Variants in ARHGAP15 observed in about 807,000 individuals in gnomAD.
ARHGAP15 encodes the protein Rho GTPase activating protein 15, also known as rho GTPase-activating protein 15.
ARHGAP15 carries 51 observed loss-of-function variants against 63.7 expected under a neutral mutation model. The observed-to-expected ratio is 0.80, with a 90% CI of 0.64 to 1.01. The LOEUF is 1.01. ARHGAP15 is among the 50% of genes least tolerant of loss of function. The probability of loss-of-function intolerance (pLI) is 0.00; values close to 1 mark genes in which losing one functional copy is unlikely to be tolerated. For synonymous variants in ARHGAP15, 191 were observed against 193.8 expected, an observed-to-expected ratio of 0.99 and a Z score of 0.12; for missense variants, 560 against 564.6, an observed-to-expected ratio of 0.99 and a Z score of 0.08.
intron 11 of ARHGAP15, among the ~76,000 whole-genome samples, chr2:143,569,319 A>G (rs1696362933): frequency 6.6e-6 from 1 of 152,228 alleles, no homozygotes; most frequent in South Asian, 2.1e-4. Flanking sequence ...GTCAAGAGAT[A>G]CATAATAAAT....
intron 8 of ARHGAP15, among the ~76,000 whole-genome samples, chr2:143,476,767 A>G (rs941891969): frequency 2.6e-5 from 4 of 152,254 alleles, no homozygotes; most frequent in African/African-American, 9.6e-5. Flanking sequence ...ATAGCAATTT[A>G]CAGTACAAGA....
chr2:143,541,718 G>C (rs1456488464), intron 10 of ARHGAP15, among the ~76,000 whole-genome samples: 2 of 152,208 alleles, frequency 1.3e-5, no homozygotes, highest in African/African-American at 2.4e-5. Flanking sequence ...AAATGCTGCT[G>C]CCTGATCGTT....
At chr2:143,184,271 G>T (rs1379579685) in intron 2 of ARHGAP15, among the ~76,000 whole-genome samples, 1 of 152,108 alleles carries the variant, frequency 6.6e-6, no homozygotes, top group Non-Finnish European at 1.5e-5. Flanking sequence ...CAACAAAATT[G>T]GACAGTGCTG....
chr2:143,405,986 A>G (rs1440373925), intron 6 of ARHGAP15, among the ~76,000 whole-genome samples: 1 of 151,954 alleles, frequency 6.6e-6, no homozygotes, highest in Non-Finnish European at 1.5e-5. Flanking sequence ...CTTACATCTT[A>G]TCTACTTGTA....
chr2:143,381,339 T>C (rs760057631), intron 6 of ARHGAP15, among the ~76,000 whole-genome samples: 9 of 152,170 alleles, frequency 5.9e-5, no homozygotes, highest in African/African-American at 1.2e-4. Context: ...TACCCTCATC[T>C]TATTGGATGT....
At chr2:143,399,492 T>C (rs1428447368) in intron 6 of ARHGAP15, among the ~76,000 whole-genome samples, 1 of 151,978 alleles carries the variant, frequency 6.6e-6, no homozygotes, top group Non-Finnish European at 1.5e-5. Context: ...ATAATAATAA[T>C]AACGATAATG....
chr2:143,640,147 G>A (rs1189170260), intron 12 of ARHGAP15, among the ~76,000 whole-genome samples: 2 of 152,022 alleles, frequency 1.3e-5, no homozygotes, highest in African/African-American at 4.8e-5. Flanking sequence ...CTCTGGAGTA[G>A]GAGACATTTC....
At chr2:143,291,246 TTGAA>T (rs747641457) in intron 6 of ARHGAP15, among the ~76,000 whole-genome samples, 3 of 152,198 alleles carry the variant, frequency 2.0e-5, no homozygotes, top group African/African-American at 7.2e-5. Context: ...TAAAGACAGT[TTGAA>T]TGGTATTCGA....
rs543678032 is a variant in ARHGAP15 at position 143,187,508 on chromosome 2, C to T, written c.166-14626C>T. On this transcript the variant is annotated intron_variant, in intron 2 of 13. Transcript: ENST00000295095. The stretch of plus-strand genomic sequence containing the variant: ...TTATTTCACACTGCCCTTGAAGTCA[C>T]TTCAGAAGTATTAATCCATTTGATC... Among the ~76,000 whole-genome samples the T allele has an allele frequency of 2.6e-5, 4 of 152,286 alleles. No individual in the cohort carries two copies. The East Asian group carries it at 7.7e-4, about 29-fold the overall frequency.
chr2:143,460,619 G>T (rs537095079), intron 8 of ARHGAP15, among the ~76,000 whole-genome samples: 1 of 152,178 alleles, frequency 6.6e-6, no homozygotes, highest in East Asian at 1.9e-4. Flanking sequence ...TTGCATTAGG[G>T]TTATCATTCT....
intron 11 of ARHGAP15, chr2:143,607,884 C>T (rs1698100434): frequency 6.6e-6 from 1 of 152,156 alleles, no homozygotes; most frequent in South Asian, 2.1e-4. Flanking sequence ...CACCAGAACT[C>T]CTAAGTGGAG....
chr2:143,169,115 T>A (rs568068571), intron 2 of ARHGAP15, among the ~76,000 whole-genome samples: 1 of 152,176 alleles, frequency 6.6e-6, no homozygotes, highest in Admixed American at 6.6e-5. Context: ...GCCTAGACAG[T>A]GCTTTCTCCT....
At chr2:143,749,009 A>T (rs1686272000) in intron 13 of ARHGAP15, among the ~76,000 whole-genome samples, 1 of 152,320 alleles carries the variant, frequency 6.6e-6, no homozygotes, top group Non-Finnish European at 1.5e-5. Context: ...AGAGGGGGAA[A>T]AAAATACACA....
chr2:143,429,242 T>C (rs1190642543), intron 6 of ARHGAP15, among the ~76,000 whole-genome samples: 1 of 151,278 alleles, frequency 6.6e-6, no homozygotes, highest in African/African-American at 2.4e-5. Flanking sequence ...TTTTTGCTTG[T>C]TTGAAATAAA....
chr2:143,245,015 G>A (rs1693995545), intron 5 of ARHGAP15, among the ~76,000 whole-genome samples: 1 of 152,210 alleles, frequency 6.6e-6, no homozygotes, highest in Non-Finnish European at 1.5e-5. Flanking sequence ...GCAGGTAGGA[G>A]AAGAAGATAA....
intron 8 of ARHGAP15, among the ~76,000 whole-genome samples, chr2:143,464,007 T>C (rs1254179538): frequency 6.6e-6 from 1 of 152,232 alleles, no homozygotes; most frequent in Non-Finnish European, 1.5e-5. Flanking sequence ...CATTCTCCTG[T>C]TCTTGAAGAC....
At chr2:143,403,781 C>T (rs1024233562) in intron 6 of ARHGAP15, among the ~76,000 whole-genome samples, 5 of 151,686 alleles carry the variant, frequency 3.3e-5, no homozygotes, top group Non-Finnish European at 7.4e-5. Flanking sequence ...GTAAAATAAT[C>T]GTTCTATAAA....
chr2:143,207,532 G>A (rs1315386716), intron 3 of ARHGAP15, among the ~76,000 whole-genome samples: 2 of 150,190 alleles, frequency 1.3e-5, no homozygotes, highest in South Asian at 4.2e-4. Flanking sequence ...ACAGTGCCAT[G>A]AGTTCTAAAA....
rs551447433 is a variant in ARHGAP15 at position 143,711,780 on chromosome 2, T to G, written c.1244+8256T>G. ...CTCATCTCTACAAAACATTAAAAAA[T>G]TAGCCAGACATTGTGGCATGCATCT... On this transcript the variant is annotated intron_variant, in intron 13 of 13. Transcript: ENST00000295095. Among the ~76,000 whole-genome samples, 7 of 152,068 alleles carry G rather than the reference T, an allele frequency of 4.6e-5. No individual in the cohort carries two copies. In the South Asian group the frequency reaches 1.4e-3, roughly 31 times the overall value.
Sources: gnomAD v4.1 joint callset for allele counts (sites outside exome capture counted in the v4.1 genomes callset) on GRCh38, gnomAD v4.1.1 for gene constraint, MANE v1.5 for transcripts, NCBI Gene and HGNC (gene_info 2026-07-23, HGNC 2026-07-21) for gene names.